The following KANSL1 variants were observed in gnomAD, a reference collection of about 807,000 sequenced individuals.
KANSL1 encodes the protein KAT8 regulatory NSL complex subunit 1.
KANSL1 carries 22 observed loss-of-function variants against 103.6 expected under a neutral mutation model. That is an observed-to-expected ratio of 0.21 (90% CI 0.15 to 0.30). KANSL1 has a LOEUF of 0.30. Among genes scored for constraint, KANSL1 ranks in the 10% least tolerant of loss-of-function variants. The pLI is 1.00. For missense variants in KANSL1, 1,337 were observed against 1,399.8 expected (o/e 0.96, Z 0.72); for synonymous variants, 600 against 527.6 (o/e 1.14, Z -1.88).
intron 1 of KANSL1, among the ~76,000 whole-genome samples, chr17:46,209,563 G>A (rs1462046502): frequency 2.6e-5 from 4 of 152,080 alleles, no homozygotes; most frequent in Admixed American, 1.3e-4. Context: ...GCACCATCTC[G>A]ACTCACTGCA....
At chr17:46,038,451 A>T in intron 10 of KANSL1, 87 bp downstream of exon 10, 1 of 1,437,032 alleles carries the variant, frequency 7.0e-7, no homozygotes, top group Non-Finnish European at 9.4e-7. Flanking sequence ...GGGCTTTATA[A>T]CCCACCCTCA....
intron 2 of KANSL1, among the ~76,000 whole-genome samples, chr17:46,159,511 C>CA (rs1476679684): frequency 6.6e-6 from 1 of 152,186 alleles, no homozygotes; most frequent in East Asian, 1.9e-4. Context: ...GACACAAATA[C>CA]AGACTAAGTA....
intron 12 of KANSL1, 41 bp from the exon 13 acceptor site, chr17:46,033,233 G>A (rs1239659256): frequency 6.5e-7 from 1 of 1,526,770 alleles, no homozygotes. Flanking sequence ...TTTTCTCCAG[G>A]AGTTAAGAAC....
In KANSL1 at chr17:46,171,440, T is replaced by C; in HGVS notation, c.704A>G (p.Asn235Ser). The stretch of plus-strand genomic sequence containing the variant: ...TTGAAGTGCCGGCTGTTCCATGGAA[T>C]TGACAGAGGATTTGTTTGCAGTGCT... ...NNSTANKSSV[N>S]SMEQPALQGS... The change falls in exon 2 of 15, where the codon AAT (asparagine) becomes AGT (serine). Residue 235 changes from asparagine to serine, a missense_variant. Physicochemically the swap from Asn to Ser is conservative, Grantham distance 46. Coordinates refer to ENST00000432791, the MANE Select transcript of KANSL1 (RefSeq NM_015443.4). 6.2e-7 allele frequency: 1 copy of C among 1,614,086 alleles called. No individual in the cohort carries two copies. The highest frequency in any genetic ancestry group is 8.5e-7 in the Non-Finnish European group (1 of 1,180,004).
At chr17:46,149,592 A>C (rs1047286271) in intron 2 of KANSL1, among the ~76,000 whole-genome samples, 1 of 152,286 alleles carries the variant, frequency 6.6e-6, no homozygotes, top group South Asian at 2.1e-4. Flanking sequence ...AACTTTACTT[A>C]CAAAAACTTG....
At chr17:46,041,302 C>CT (rs1195648901) in intron 7 of KANSL1, 16 of 152,190 alleles carry the variant, frequency 1.1e-4, no homozygotes, top group Non-Finnish European at 2.1e-4. Flanking sequence ...GCCTATTACT[C>CT]TGACTGGAAC....
At chr17:46,078,667 C>CT (rs1186468640) in intron 4 of KANSL1, among the ~76,000 whole-genome samples, 1 of 152,236 alleles carries the variant, frequency 6.6e-6, no homozygotes, top group East Asian at 1.9e-4. Flanking sequence ...TGAAATTTTG[C>CT]TGACATTGTT....
At chr17:46,063,142 G>A (rs186004572) in intron 6 of KANSL1, among the ~76,000 whole-genome samples, 1 of 152,280 alleles carries the variant, frequency 6.6e-6, no homozygotes, top group African/African-American at 2.4e-5. Context: ...TTAAGATGCA[G>A]GTAAGGAAAA....
At chr17:46,134,553 G>A (rs544971238) in intron 2 of KANSL1, among the ~76,000 whole-genome samples, 2 of 151,626 alleles carry the variant, frequency 1.3e-5, no homozygotes, top group Admixed American at 6.6e-5. Flanking sequence ...CTTAAAAGAC[G>A]AGGAGGCCAG....
intron 1 of KANSL1, among the ~76,000 whole-genome samples, chr17:46,214,509 C>G (rs1450808182): frequency 6.6e-6 from 1 of 152,222 alleles, no homozygotes; most frequent in African/African-American, 2.4e-5. Context: ...CAAAAATTAG[C>G]TGGGCGTGGT....
intron 4 of KANSL1, among the ~76,000 whole-genome samples, chr17:46,075,675 T>C (rs1400598297): frequency 6.6e-6 from 1 of 152,142 alleles, no homozygotes; most frequent in East Asian, 1.9e-4. Flanking sequence ...TATCTAGCAT[T>C]AATAAAACAA....
Position 46,031,549 on chromosome 17 carries a change from G to A in KANSL1, c.3245C>T (p.Ser1082Leu), listed in dbSNP as rs749241540. 5.6e-6 allele frequency: 9 copies of A among 1,613,930 alleles called. No homozygotes were observed. The East Asian group carries it at 6.7e-5, about 12-fold the overall frequency. ...ACTCTTGAGGGGGACAATGGGAGGC[G>A]AGGTGGGCGCTGCCTCTGTCTCCCG... is the stretch of plus-strand genomic sequence containing the variant. ...TGRETEAAPT[S>L]PPIVPLKSRH... Residue 1082 changes from serine (S) to leucine (L), a missense_variant, in exon 15 of 15, where the codon TCG becomes TTG. Around this residue, in one of 2 missense-constraint regions of KANSL1, gnomAD observed 780 missense variants for 923.4 expected, o/e 0.84. Transcript: ENST00000432791.
intron 1 of KANSL1, among the ~76,000 whole-genome samples, chr17:46,215,571 T>G (rs1451169451): frequency 6.6e-6 from 1 of 152,082 alleles, no homozygotes; most frequent in Non-Finnish European, 1.5e-5. Flanking sequence ...GTAGGATGAC[T>G]AGGAAAATAT....
chr17:46,143,633 T>C (rs530478917), intron 2 of KANSL1, among the ~76,000 whole-genome samples: 1 of 151,714 alleles, frequency 6.6e-6, no homozygotes, highest in Non-Finnish European at 1.5e-5. Context: ...TGAAACCCTG[T>C]CTCTAGTAAA....
At chr17:46,155,872 G>A (rs2045397256) in intron 2 of KANSL1, among the ~76,000 whole-genome samples, 1 of 152,154 alleles carries the variant, frequency 6.6e-6, no homozygotes, top group Non-Finnish European at 1.5e-5. Flanking sequence ...GTCTTCGGCT[G>A]TAGTAAGCTA....
chr17:46,100,443 C>CAAAAAAAAAAA, intron 2 of KANSL1, among the ~76,000 whole-genome samples: 1 of 107,732 alleles, frequency 9.3e-6, no homozygotes, highest in Non-Finnish European at 2.4e-5. Flanking sequence ...CTCCCTCTCC[C>CAAAAAAAAAAA]CAAAAAAAAA....
intron 1 of KANSL1, among the ~76,000 whole-genome samples, chr17:46,178,297 A>T (rs1216392984): frequency 6.6e-6 from 1 of 152,262 alleles, no homozygotes; most frequent in Non-Finnish European, 1.5e-5. Flanking sequence ...CTATCTGATA[A>T]ATCATCTTTC....
intron 1 of KANSL1, among the ~76,000 whole-genome samples, chr17:46,178,010 C>T (rs190159972): frequency 5.9e-5 from 9 of 152,294 alleles, no homozygotes; most frequent in Admixed American, 1.3e-4. Context: ...ATCTCCTGAC[C>T]TCGTGATCTG....
chr17:46,181,092 A>G (rs2046768089), intron 1 of KANSL1, among the ~76,000 whole-genome samples: 1 of 152,220 alleles, frequency 6.6e-6, no homozygotes, highest in Non-Finnish European at 1.5e-5. Flanking sequence ...AATAATAGTC[A>G]AAGTCTCTAC....
Sources: allele counts gnomAD v4.1 joint callset (sites outside exome capture counted in the v4.1 genomes callset), GRCh38; gene constraint gnomAD v4.1.1; regional missense constraint gnomAD v4.1.1; transcripts MANE v1.5; gene names NCBI Gene and HGNC (gene_info 2026-07-23, HGNC 2026-07-21).